The following BMP2K variants were observed in gnomAD, a reference collection of about 807,000 sequenced individuals.
BMP2K encodes the protein BMP-2-inducible protein kinase.
In BMP2K, 74 loss-of-function variants were observed where a neutral mutation model predicts 116.0. The ratio of observed to expected loss-of-function variants is 0.64; its 90% CI spans 0.53 to 0.77. The LOEUF is 0.77. Among genes scored for constraint, BMP2K ranks in the 30% least tolerant of loss-of-function variants. BMP2K has a pLI of 0.00. For missense variants in BMP2K, 1,365 were observed against 1,403.6 expected (o/e 0.97, Z 0.44); for synonymous variants, 486 against 502.5 (o/e 0.97, Z 0.44).
intron 14 of BMP2K, among the ~76,000 whole-genome samples, chr4:78,884,647 C>CT (rs1326750005): frequency 1.3e-5 from 2 of 152,174 alleles, no homozygotes; most frequent in African/African-American, 2.4e-5. Flanking sequence ...GTCCTCAGTG[C>CT]TTTATACACT....
intron 8 of BMP2K, among the ~76,000 whole-genome samples, chr4:78,860,463 T>C (rs971873209): frequency 6.6e-6 from 1 of 151,908 alleles, no homozygotes; most frequent in Non-Finnish European, 1.5e-5. Context: ...AAAACAAGGA[T>C]AGTAATTATA....
At chr4:78,795,270 C>G (rs1728196825) in intron 1 of BMP2K, among the ~76,000 whole-genome samples, 1 of 152,146 alleles carries the variant, frequency 6.6e-6, no homozygotes, top group Non-Finnish European at 1.5e-5. Flanking sequence ...TTCACAGACA[C>G]TTATTAAAAT....
At position 78,872,719 on chromosome 4, in the gene BMP2K, T is replaced by G; in HGVS notation, c.1714T>G (p.Ser572Ala). Residue 572 changes from serine to alanine, a missense_variant, in exon 13 of 16, where the codon TCA (serine) becomes GCA (alanine). Physicochemically the swap from Ser to Ala is moderately conservative, Grantham distance 99. Transcript: ENST00000502613. ...ATATCTTACCTCCCCTCAAGAGTTC[T>G]CACCAGCCTTAGTTTCCTACACTTC... Reference protein sequence around the residue: ...PEYLTSPQEFSPALVSYTSSL... With the variant: ...PEYLTSPQEFAPALVSYTSSL... The G allele has an allele frequency of 6.2e-7, 1 of 1,614,168 alleles. No individual in the cohort carries two copies. The highest frequency in any genetic ancestry group is 8.5e-7 in the Non-Finnish European group (1 of 1,180,016).
chr4:78,865,440 C>T (rs1731996838), intron 9 of BMP2K, 117 bp from the exon 10 acceptor site: 2 of 918,262 alleles, frequency 2.2e-6, no homozygotes, highest in Admixed American at 5.0e-5. Flanking sequence ...AAGATGAGGA[C>T]TAATGCGATT....
chr4:78,818,649 T>C (rs1219886444), intron 1 of BMP2K, among the ~76,000 whole-genome samples: 1 of 152,240 alleles, frequency 6.6e-6, no homozygotes, highest in African/African-American at 2.4e-5. Flanking sequence ...ACATATGCCT[T>C]GGGCATGGTT....
chr4:78,785,137 G>A (rs1727672413), intron 1 of BMP2K, among the ~76,000 whole-genome samples: 1 of 152,080 alleles, frequency 6.6e-6, no homozygotes, highest in Non-Finnish European at 1.5e-5. Flanking sequence ...TCAAGACGGA[G>A]TCTTGCTCTG....
rs1734576015 is a variant in BMP2K, at chr4:78,911,210, C to T, written c.2663C>T (p.Ala888Val). 1.9e-6 allele frequency: 3 copies of T among 1,613,686 alleles called. No individual in the cohort carries two copies. Among genetic ancestry groups the T allele is most frequent in the African/African-American group, 1.3e-5 (1 of 74,910 alleles). ...CTCCCTCAACACAGGTTTCCTGCTG[C>T]AGGACTGGAGCAGGAGGAATTTGAT... ...KNLPQHRFPAAGLEQEEFDVF... is the reference protein window; with the variant it reads ...KNLPQHRFPAVGLEQEEFDVF... Residue 888 changes from alanine to valine, a missense_variant, in exon 16 of 16, where the codon GCA becomes GTA. Physicochemically the swap from Ala to Val is moderately conservative, Grantham distance 64 (BLOSUM62 0). This residue lies in a region of BMP2K where 596 missense variants were observed against 623.2 expected (regional missense o/e 0.96). Transcript: ENST00000502613.
chr4:78,805,601 A>T (rs899331385), intron 1 of BMP2K, among the ~76,000 whole-genome samples: 1 of 152,166 alleles, frequency 6.6e-6, no homozygotes, highest in Non-Finnish European at 1.5e-5. Flanking sequence ...TAAATATTTT[A>T]TTATTTCTGA....
At position 78,872,795 on chromosome 4, in the gene BMP2K, A is replaced by T; in HGVS notation, c.1790A>T (p.Asn597Ile). 1 of 1,611,802 alleles carries T rather than the reference A, an allele frequency of 6.2e-7. No homozygotes were observed. Among genetic ancestry groups the T allele is most frequent in the Non-Finnish European group, 8.5e-7 (1 of 1,178,842 alleles). The change falls in exon 13 of 16, where the codon AAT becomes ATT. Residue 597 changes from asparagine (N) to isoleucine (I), a missense_variant. Asn to Ile is a moderately radical substitution (Grantham distance 149). Transcript: ENST00000502613. ...ATAATGGACTCCTCCTATAGTGCCA[A>T]TAGGCAAGTATTTTTCCAGTGAAAG... ...GTIMDSSYSA[N>I]RSVADKEAIA...
chr4:78,876,414 A>G (rs1732634518), intron 13 of BMP2K, among the ~76,000 whole-genome samples: 1 of 152,154 alleles, frequency 6.6e-6, no homozygotes, highest in Admixed American at 6.5e-5. Flanking sequence ...CCTAAGTTCT[A>G]TTTACTAAGC....
intron 15 of BMP2K, among the ~76,000 whole-genome samples, chr4:78,907,830 T>C (rs1168322213): frequency 2.0e-5 from 3 of 152,160 alleles, no homozygotes; most frequent in Non-Finnish European, 4.4e-5. Flanking sequence ...GGAATGTTAC[T>C]TGGAGGTGTC....
intron 1 of BMP2K, among the ~76,000 whole-genome samples, chr4:78,802,722 C>T (rs1195891251): frequency 2.0e-5 from 3 of 152,082 alleles, no homozygotes. Context: ...CATTTATCAA[C>T]TTTTTGTAGT....
chr4:78,783,681 C>G (rs1727607430), intron 1 of BMP2K, among the ~76,000 whole-genome samples: 1 of 152,096 alleles, frequency 6.6e-6, no homozygotes, highest in Admixed American at 6.5e-5. Context: ...TGGCACGTGC[C>G]TATAATAACA....
intron 13 of BMP2K, 109 bp downstream of exon 13, chr4:78,872,907 T>A: frequency 2.7e-6 from 3 of 1,128,058 alleles, no homozygotes; most frequent in Non-Finnish European, 3.8e-6. Context: ...TATCTTTCTG[T>A]AGAGCCACCC....
At chr4:78,880,149 C>A (rs533786823) in intron 14 of BMP2K, among the ~76,000 whole-genome samples, 1 of 152,182 alleles carries the variant, frequency 6.6e-6, no homozygotes, top group African/African-American at 2.4e-5. Flanking sequence ...CTCGGCTCAC[C>A]GCAACCTCCG....
rs763329373 is a variant in BMP2K at position 78,912,037 on chromosome 4, C to T, written c.*4C>T. ...TCCATTTCCTTCTAAACAGTAGATA[C>T]TTCTGATGGATTCTCGGCATTAACT... On this transcript the variant is annotated 3_prime_UTR_variant, in exon 16 of 16. Transcript: ENST00000502613. The T allele has an allele frequency of 1.6e-5, 25 of 1,583,140 alleles. No homozygotes were observed. In the South Asian group the frequency reaches 2.9e-4, roughly 18 times the overall value.
intron 9 of BMP2K, 123 bp from the exon 10 acceptor site, chr4:78,865,434 T>C (rs990352640): frequency 1.2e-6 from 1 of 854,976 alleles, no homozygotes; most frequent in Non-Finnish European, 1.8e-6. Flanking sequence ...AGGAGAAAGA[T>C]GAGGACTAAT....
intron 6 of BMP2K, among the ~76,000 whole-genome samples, 173 bp downstream of exon 6, chr4:78,847,442 A>G (rs114605411): frequency 0.019 from 2,878 of 151,830 alleles, 85 homozygotes; most frequent in African/African-American, 0.062. Context: ...TATCTTCTCA[A>G]TCCTGAGATG....
chr4:78,781,181 A>G (rs1275569456), intron 1 of BMP2K, among the ~76,000 whole-genome samples: 2 of 152,198 alleles, frequency 1.3e-5, no homozygotes, highest in African/African-American at 4.8e-5. Flanking sequence ...CTGAAATGCA[A>G]CAGGAAGCTA....
Sources: gnomAD v4.1 joint callset for allele counts (sites outside exome capture counted in the v4.1 genomes callset) on GRCh38, gnomAD v4.1.1 for gene constraint, gnomAD v4.1.1 regional missense constraint, MANE v1.5 for transcripts, NCBI Gene and HGNC (gene_info 2026-07-23, HGNC 2026-07-21) for gene names.